The following ANKFN1 variants were observed in gnomAD, a reference collection of about 807,000 sequenced individuals.
ANKFN1 encodes the protein ankyrin repeat and fibronectin type III domain containing 1, also known as ankyrin repeat and fibronectin type-III domain-containing protein 1.
Under a neutral mutation model 108.7 loss-of-function variants are expected in ANKFN1, and 74 were observed. That is an observed-to-expected ratio of 0.68 (90% CI 0.56 to 0.83). ANKFN1 has a LOEUF of 0.83. Among genes scored for constraint, ANKFN1 ranks in the 40% least tolerant of loss-of-function variants. The pLI, the probability that ANKFN1 is intolerant of heterozygous loss-of-function variation, is 0.00. For synonymous variants in ANKFN1, 547 were observed against 516.2 expected (o/e 1.06, Z -0.81); for missense variants, 1,505 against 1,382.3 (o/e 1.09, Z -1.41).
intron 4 of ANKFN1, among the ~76,000 whole-genome samples, chr17:56,128,494 GTGTTC>G (rs998979583): frequency 2.6e-5 from 4 of 152,144 alleles, no homozygotes; most frequent in African/African-American, 9.7e-5. Context: ...GGAGTATAGG[GTGTTC>G]TGTTCTGTAA....
intron 8 of ANKFN1, among the ~76,000 whole-genome samples, chr17:56,397,931 C>A (rs1185199569): frequency 6.6e-6 from 1 of 152,082 alleles, no homozygotes; most frequent in Non-Finnish European, 1.5e-5. Context: ...TCTATAGAAA[C>A]TTAGGTCTCC....
At chr17:56,207,822 T>C (rs886583535) in intron 1 of ANKFN1, among the ~76,000 whole-genome samples, 1 of 152,162 alleles carries the variant, frequency 6.6e-6, no homozygotes, top group Non-Finnish European at 1.5e-5. Context: ...GATTTTGTCC[T>C]TTTAGATCCT....
intron 6 of ANKFN1, among the ~76,000 whole-genome samples, chr17:56,358,596 A>G (rs1050972432): frequency 2.0e-5 from 3 of 152,152 alleles, no homozygotes; most frequent in Non-Finnish European, 4.4e-5. Context: ...TTTTGCAAAC[A>G]GCACAAAATA....
intron 14 of ANKFN1, among the ~76,000 whole-genome samples, chr17:56,460,056 TAA>T (rs57118539): frequency 4.7e-5 from 7 of 148,100 alleles, no homozygotes; most frequent in African/African-American, 1.5e-4. Context: ...CATTGCCACA[TAA>T]AAAAAAAAAA....
chr17:56,382,817 A>G (rs2047146210), intron 8 of ANKFN1, among the ~76,000 whole-genome samples: 1 of 152,222 alleles, frequency 6.6e-6, no homozygotes, highest in Non-Finnish European at 1.5e-5. Context: ...AGGAGCACCC[A>G]GATTCATAAA....
At chr17:56,434,729 C>T (rs76586903) in intron 8 of ANKFN1, among the ~76,000 whole-genome samples, 1,596 of 152,270 alleles carry the variant, frequency 0.01, 25 homozygotes, top group African/African-American at 0.036. Flanking sequence ...CACATCTTCT[C>T]ATCTCTAGAA....
At chr17:56,233,485 T>G (rs1916886467) in intron 3 of ANKFN1, among the ~76,000 whole-genome samples, 1 of 152,136 alleles carries the variant, frequency 6.6e-6, no homozygotes, top group Non-Finnish European at 1.5e-5. Flanking sequence ...TTTCTCATTT[T>G]GAGTAACAAC....
chr17:56,243,727 A>C (rs2144016376), intron 3 of ANKFN1, among the ~76,000 whole-genome samples: 1 of 152,044 alleles, frequency 6.6e-6, no homozygotes, highest in South Asian at 2.1e-4. Flanking sequence ...TTATCTCCTT[A>C]GTTTTCGGTT....
intron 18 of ANKFN1, among the ~76,000 whole-genome samples, chr17:56,483,948 C>T (rs1446779822): frequency 6.6e-6 from 1 of 151,694 alleles, no homozygotes; most frequent in African/African-American, 2.4e-5. Context: ...TAGAATATGC[C>T]AGAAATTGGA....
chr17:56,073,415 G>C (rs892704728), intron 4 of ANKFN1, among the ~76,000 whole-genome samples: 1 of 152,066 alleles, frequency 6.6e-6, no homozygotes, highest in African/African-American at 2.4e-5. Flanking sequence ...GTTACTTTTC[G>C]TGCTTTGTTC....
At chr17:56,290,544 G>A (rs1268428647) in intron 3 of ANKFN1, among the ~76,000 whole-genome samples, 1 of 152,072 alleles carries the variant, frequency 6.6e-6, no homozygotes, top group Non-Finnish European at 1.5e-5. Flanking sequence ...ATGTTAAACT[G>A]GCACATTTGA....
In ANKFN1 at chr17:56,284,607, T is replaced by A. The variant is rs1418599487; in HGVS notation, c.54-41614T>A. 3.9e-5 allele frequency among the ~76,000 whole-genome samples: 6 copies of A among 152,294 alleles called. No homozygotes were observed. The East Asian group carries it at 9.6e-4, about 24-fold the overall frequency. On this transcript the variant is annotated intron_variant, in intron 3 of 20. Coordinates refer to ENST00000682825, the MANE Select transcript of ANKFN1 (RefSeq NM_001370326.1). ...AAAGCAGGGTGCTATGTGAGGTCAATAACATGTTGTGAAATTTTTGTTTCA... is the reference window on the plus strand; with the variant it reads ...AAAGCAGGGTGCTATGTGAGGTCAAAAACATGTTGTGAAATTTTTGTTTCA...
At chr17:56,067,665 A>G (rs1905076604) in intron 4 of ANKFN1, among the ~76,000 whole-genome samples, 2 of 152,238 alleles carry the variant, frequency 1.3e-5, no homozygotes, top group African/African-American at 4.8e-5. Flanking sequence ...TCCTTAATGC[A>G]TAAGTAGAAG....
Position 56,271,680 on chromosome 17 carries a change from G to A in ANKFN1, c.53+43723G>A, listed in dbSNP as rs150218365. 3.0e-3 allele frequency among the ~76,000 whole-genome samples: 464 copies of A among 152,236 alleles called. 1 individual carries two copies. The highest frequency in any genetic ancestry group is 0.011 in the African/African-American group (439 of 41,522). On this transcript the variant is annotated intron_variant, in intron 3 of 20. Transcript: ENST00000682825. Reference sequence around the variant, plus strand: ...GATTCTAAAACAGGTGACTATAGAGGACCAACTTCTGACCCAAACCCTTGG... The same window carrying A: ...GATTCTAAAACAGGTGACTATAGAGAACCAACTTCTGACCCAAACCCTTGG...
intron 4 of ANKFN1, among the ~76,000 whole-genome samples, chr17:56,126,682 C>T (rs990785838): frequency 1.3e-5 from 2 of 152,168 alleles, no homozygotes; most frequent in African/African-American, 2.4e-5. Flanking sequence ...CTAATTCTCC[C>T]AGATGATTTG....
At chr17:56,438,710 C>A (rs568436529) in intron 8 of ANKFN1, among the ~76,000 whole-genome samples, 1 of 152,050 alleles carries the variant, frequency 6.6e-6, no homozygotes, top group Non-Finnish European at 1.5e-5. Flanking sequence ...TAGGAGCATG[C>A]CACCACTCGG....
intron 14 of ANKFN1, among the ~76,000 whole-genome samples, chr17:56,465,437 C>T (rs1338503516): frequency 6.6e-6 from 1 of 152,132 alleles, no homozygotes; most frequent in African/African-American, 2.4e-5. Context: ...ATTTTTAGGT[C>T]ATCCTTGTCA....
chr17:56,253,454 C>A (rs1259194571), intron 3 of ANKFN1, among the ~76,000 whole-genome samples: 1 of 152,146 alleles, frequency 6.6e-6, no homozygotes, highest in Non-Finnish European at 1.5e-5. Context: ...GACAAGAAGC[C>A]AGGCCGGGCG....
intron 1 of ANKFN1, among the ~76,000 whole-genome samples, chr17:56,184,264 C>T (rs926165063): frequency 6.6e-6 from 1 of 152,138 alleles, no homozygotes; most frequent in Non-Finnish European, 1.5e-5. Flanking sequence ...CCCACTCCAG[C>T]CTTCAGCAAC....
Sources: allele counts gnomAD v4.1 joint callset (sites outside exome capture counted in the v4.1 genomes callset), GRCh38; gene constraint gnomAD v4.1.1; transcripts MANE v1.5; gene names NCBI Gene and HGNC (gene_info 2026-07-23, HGNC 2026-07-21).